KLRD1: variants seen among roughly 807,000 people sequenced by gnomAD.
The protein encoded by KLRD1 is killer cell lectin like receptor D1.
Under a neutral mutation model 22.6 loss-of-function variants are expected in KLRD1, and 21 were observed. That is an observed-to-expected ratio of 0.93 (90% CI 0.66 to 1.34). The LOEUF is 1.34. Among genes scored for constraint, KLRD1 ranks in the 40% most tolerant of loss-of-function variants. The pLI, the probability that KLRD1 is intolerant of heterozygous loss-of-function variation, is 0.00. For synonymous variants in KLRD1, 59 were observed against 71.1 expected (o/e 0.83, Z 0.85); for missense variants, 183 against 208.6 (o/e 0.88, Z 0.76).
Position 10,320,928 on chromosome 12 carries a change from G to A in KLRD1, c.*6135G>A, listed in dbSNP as rs1005510144. ...GAAGATTGAAGAGATTTATGTGTGCGGTTTTTACAAATAGAGTTCATAGAA... is the reference window on the plus strand; with the variant it reads ...GAAGATTGAAGAGATTTATGTGTGCAGTTTTTACAAATAGAGTTCATAGAA... On this transcript the variant is annotated 3_prime_UTR_variant, in exon 6 of 6. Transcript: ENST00000336164. 2 of 152,092 alleles carry A rather than the reference G, an allele frequency of 1.3e-5. No individual in the cohort carries two copies. Among genetic ancestry groups the A allele is most frequent in the African/African-American group, 4.8e-5 (2 of 41,404 alleles). 9.4% of individuals were successfully genotyped at this position (152,092 alleles called of 1,614,324 possible).
chr12:10,254,307 A>G (rs1949372423), intron 1 of KLRD1, among the ~76,000 whole-genome samples: 1 of 150,926 alleles, frequency 6.6e-6, no homozygotes, highest in Non-Finnish European at 1.5e-5. Context: ...GGGCGCCTGT[A>G]GTCCCAGCTA....
chr12:10,263,538 A>G (rs182727040), intron 1 of KLRD1, among the ~76,000 whole-genome samples: 1 of 152,216 alleles, frequency 6.6e-6, no homozygotes, highest in African/African-American at 2.4e-5. Context: ...GGTCACGTAT[A>G]AAAGATTTGG....
chr12:10,289,661 T>C (rs1244720325), intron 1 of KLRD1, among the ~76,000 whole-genome samples: 1 of 152,240 alleles, frequency 6.6e-6, no homozygotes, highest in African/African-American at 2.4e-5. Flanking sequence ...GTTTGGTTTG[T>C]TTATTTGCTT....
At chr12:10,272,710 G>A (rs1398405330) in intron 1 of KLRD1, among the ~76,000 whole-genome samples, 1 of 152,076 alleles carries the variant, frequency 6.6e-6, no homozygotes, top group Non-Finnish European at 1.5e-5. Context: ...ACATCAGAGA[G>A]GATGTTTACA....
At chr12:10,279,673 A>G (rs1006360715) in intron 1 of KLRD1, among the ~76,000 whole-genome samples, 1 of 152,346 alleles carries the variant, frequency 6.6e-6, no homozygotes, top group South Asian at 2.1e-4. Context: ...TAATACTTAC[A>G]TAATCATATG....
At chr12:10,296,144 G>C (rs1365003341) in intron 1 of KLRD1, among the ~76,000 whole-genome samples, 1 of 152,146 alleles carries the variant, frequency 6.6e-6, no homozygotes, top group Non-Finnish European at 1.5e-5. Flanking sequence ...TTTGCTGACT[G>C]ACTACAGACT....
rs866438718 is a variant in KLRD1, at chr12:10,239,473, C to T, written c.-101+13240C>T. 1.5e-3 allele frequency among the ~76,000 whole-genome samples: 171 copies of T among 115,546 alleles called. 9 individuals are homozygous for T. Among genetic ancestry groups the T allele is most frequent in the Middle Eastern group, 9.1e-3 (2 of 220 alleles). 75.8% of individuals were successfully genotyped at this position (115,546 alleles called of 152,430 possible). ...TCCTTCCTTCCTTCCTTCCTTCCTT[C>T]CTTCCTTCCTTCTTCCTTCCTTCCT... On this transcript the variant is annotated intron_variant, in intron 1 of 5. Transcript: ENST00000544747.
intron 4 of KLRD1, among the ~76,000 whole-genome samples, chr12:10,311,895 C>T (rs1015210673): frequency 3.9e-5 from 6 of 152,022 alleles, no homozygotes; most frequent in African/African-American, 1.4e-4. Flanking sequence ...ATTATATTTA[C>T]CCATTTTATT....
intron 1 of KLRD1, among the ~76,000 whole-genome samples, chr12:10,249,727 G>T (rs1030569292): frequency 6.6e-6 from 1 of 152,134 alleles, no homozygotes; most frequent in Non-Finnish European, 1.5e-5. Context: ...TTTCTACAAA[G>T]AACAAAATAA....
At position 10,314,813 on chromosome 12, in the gene KLRD1, A is replaced by G. The variant is rs542331892; in HGVS notation, c.*20A>G. Reference sequence around the variant, plus strand: ...ATTTAAATGTTTCTTGGGGCAGAGAAGGTGGAGAGTAAAGACCCAACATTA... The same window carrying G: ...ATTTAAATGTTTCTTGGGGCAGAGAGGGTGGAGAGTAAAGACCCAACATTA... On this transcript the variant is annotated 3_prime_UTR_variant, in exon 6 of 6. Transcript: ENST00000336164. 3 of 1,597,622 alleles carry G rather than the reference A, an allele frequency of 1.9e-6. No homozygotes were observed. Among genetic ancestry groups the G allele is most frequent in the Non-Finnish European group, 2.6e-6 (3 of 1,174,618 alleles).
intron 1 of KLRD1, among the ~76,000 whole-genome samples, chr12:10,248,523 ATTTTCT>A (rs879606605): frequency 0.13 from 14,825 of 111,236 alleles, 1,730 homozygotes; most frequent in African/African-American, 0.31. Flanking sequence ...ATTTAAATGT[ATTTTCT>A]TTTCCTTCCT....
chr12:10,269,590 G>A (rs1001331650), intron 1 of KLRD1, among the ~76,000 whole-genome samples: 4 of 151,992 alleles, frequency 2.6e-5, no homozygotes, highest in East Asian at 1.9e-4. Flanking sequence ...ATCATAGTAC[G>A]TATCTTCATA....
intron 4 of KLRD1, among the ~76,000 whole-genome samples, chr12:10,312,856 G>A (rs1055470132): frequency 1.2e-4 from 18 of 151,478 alleles, no homozygotes; most frequent in South Asian, 4.2e-4. Flanking sequence ...GCGTGGTGGC[G>A]GGCGCCTGTA....
chr12:10,288,397 C>G (rs1308364497), intron 1 of KLRD1, among the ~76,000 whole-genome samples: 1 of 152,018 alleles, frequency 6.6e-6, no homozygotes, highest in East Asian at 1.9e-4. Flanking sequence ...TAAATTTGAA[C>G]AAAAACTAAA....
chr12:10,264,682 C>CTGTGTGTGTGTGTGTGTGTG (rs1288838996), intron 1 of KLRD1, among the ~76,000 whole-genome samples: 139 of 149,860 alleles, frequency 9.3e-4, no homozygotes, highest in African/African-American at 3.0e-3. Flanking sequence ...TAGTTACCTT[C>CTGTGTGTGTGTGTGTGTGTG]TGTGTGTGTG....
rs765505361 is a variant in KLRD1, at chr12:10,326,286, C to T, written c.*11493C>T. ...ATCCTTTCATTCCATTGGTTATTTCCTTTGTGAACCCTGAAAATTTGAGAC... is the reference window on the plus strand; with the variant it reads ...ATCCTTTCATTCCATTGGTTATTTCTTTTGTGAACCCTGAAAATTTGAGAC... On this transcript the variant is annotated 3_prime_UTR_variant, in exon 6 of 6. Coordinates refer to ENST00000336164, the MANE Select transcript of KLRD1 (RefSeq NM_002262.5). The T allele has an allele frequency of 1.5e-4, 23 of 151,886 alleles. No individual in the cohort carries two copies. The highest frequency in any genetic ancestry group is 3.2e-4 in the Non-Finnish European group (22 of 67,976). The allele number at this position is 151,886 out of a possible 1,614,324, so 9.4% of individuals were successfully genotyped here. A position where few individuals can be genotyped will look rare whatever the true frequency, so the allele number is the denominator to read the frequency against.
chr12:10,285,763 T>G (rs771631777), intron 1 of KLRD1, among the ~76,000 whole-genome samples: 8 of 152,216 alleles, frequency 5.3e-5, no homozygotes, highest in Non-Finnish European at 1.2e-4. Flanking sequence ...TTATTTTTTC[T>G]TTGTGATTGA....
In KLRD1 at chr12:10,317,517, A is replaced by T. The variant is rs980517610; in HGVS notation, c.*2724A>T. 1 of 152,258 alleles carries T rather than the reference A, an allele frequency of 6.6e-6. No homozygotes were observed. Among genetic ancestry groups the T allele is most frequent in the African/African-American group, 2.4e-5 (1 of 41,470 alleles). 9.4% of individuals were successfully genotyped at this position (152,258 alleles called of 1,614,324 possible). On this transcript the variant is annotated 3_prime_UTR_variant, in exon 6 of 6. Coordinates refer to ENST00000336164, the MANE Select transcript of KLRD1 (RefSeq NM_002262.5). ...GACAAAGCCCTCTGCAGCATACAGC[A>T]TAAACACTATTCCATAAAATCCTAA...
chr12:10,282,978 C>G (rs1277558775), intron 1 of KLRD1, among the ~76,000 whole-genome samples: 1 of 152,122 alleles, frequency 6.6e-6, no homozygotes, highest in Non-Finnish European at 1.5e-5. Context: ...AGATATTATT[C>G]AAGGTAGGTT....
Sources: allele counts gnomAD v4.1 joint callset (sites outside exome capture counted in the v4.1 genomes callset), GRCh38; gene constraint gnomAD v4.1.1; transcripts MANE v1.5; gene names NCBI Gene and HGNC (gene_info 2026-07-23, HGNC 2026-07-21).